The following CEP95 variants were observed in gnomAD, a reference collection of about 807,000 sequenced individuals.
CEP95 encodes centrosomal protein of 95 kDa.
CEP95 carries 98 observed loss-of-function variants against 111.2 expected under a neutral mutation model. The ratio of observed to expected loss-of-function variants is 0.88; its 90% CI spans 0.75 to 1.04. The LOEUF (loss-of-function observed/expected upper bound fraction) is 1.04. Among genes scored for constraint, CEP95 ranks in the 50% least tolerant of loss-of-function variants. The probability of loss-of-function intolerance (pLI) is 0.00; values close to 1 mark genes in which losing one functional copy is unlikely to be tolerated. For missense variants in CEP95, 1,027 were observed against 977.2 expected (o/e 1.05, Z -0.68); for synonymous variants, 323 against 327.1 (o/e 0.99, Z 0.14).
chr17:64,520,206 A>G (rs574820465), intron 6 of CEP95, among the ~76,000 whole-genome samples: 27 of 152,224 alleles, frequency 1.8e-4, no homozygotes, highest in African/African-American at 5.1e-4. Flanking sequence ...GTCAAGTGCT[A>G]TGTAAAAAAG....
rs572700108 is a variant in CEP95, at chr17:64,534,175, T to C, written c.1918-410T>C. 24 of 183,444 alleles carry C rather than the reference T, an allele frequency of 1.3e-4. No homozygotes were observed. The South Asian group carries it at 2.8e-3, about 22-fold the overall frequency. The allele number at this position is 183,444 out of a possible 1,614,324, so 11.4% of individuals were successfully genotyped here. On this transcript the variant is annotated intron_variant, in intron 16 of 19. Coordinates refer to ENST00000556440, the MANE Select transcript of CEP95 (RefSeq NM_138363.3). ...GCTTTATGTACATGACCCCATTTTA[T>C]TTTCACTCCTTTGTCAGATACTGTC...
At chr17:64,516,003 G>T (rs1345753384) in intron 4 of CEP95, 2 of 152,328 alleles carry the variant, frequency 1.3e-5, no homozygotes, top group South Asian at 2.1e-4. Context: ...TGTTGTGAAA[G>T]TTAAGTAAGT....
At chr17:64,531,229 A>T (rs1968257041) in intron 13 of CEP95, 2 of 383,454 alleles carry the variant, frequency 5.2e-6, no homozygotes, top group Non-Finnish European at 9.3e-6. Flanking sequence ...AAAGAAAAGT[A>T]GTGTTTTTCC....
At chr17:64,530,859 C>CT (rs1968227509) in intron 12 of CEP95, 67 bp from the exon 13 acceptor site, 1 of 879,454 alleles carries the variant, frequency 1.1e-6, no homozygotes, top group Non-Finnish European at 1.7e-6. Context: ...CTTTAACCAG[C>CT]TAAGCCATGG....
intron 7 of CEP95, among the ~76,000 whole-genome samples, 200 bp downstream of exon 7, chr17:64,521,727 C>G (rs1055523701): frequency 6.6e-6 from 1 of 151,110 alleles, no homozygotes; most frequent in African/African-American, 2.4e-5. Context: ...TTTGCATCCA[C>G]TATTTTATTA....
chr17:64,535,150 C>T (rs931912172), intron 17 of CEP95: 7 of 207,302 alleles, frequency 3.4e-5, no homozygotes, highest in African/African-American at 1.6e-4. Flanking sequence ...TCATCCTAAT[C>T]AGGCTGTGAA....
chr17:64,533,715 G>A (rs1208254449), intron 16 of CEP95, among the ~76,000 whole-genome samples: 9 of 152,126 alleles, frequency 5.9e-5, no homozygotes, highest in African/African-American at 2.2e-4. Flanking sequence ...TGTTTTCTAT[G>A]AAATGAAAAC....
chr17:64,532,533 G>A (rs1968352351), intron 14 of CEP95: 1 of 985,398 alleles, frequency 1.0e-6, no homozygotes, highest in African/African-American at 1.7e-5. Context: ...CTACCGGGAA[G>A]GTTGAGGAGT....
chr17:64,516,356 A>C (rs2039144324), intron 4 of CEP95, among the ~76,000 whole-genome samples: 1 of 152,188 alleles, frequency 6.6e-6, no homozygotes, highest in Admixed American at 6.5e-5. Flanking sequence ...CTAAGGCATG[A>C]TTATCTTGGA....
At chr17:64,528,675 G>A (rs1326036392) in intron 11 of CEP95, among the ~76,000 whole-genome samples, 4 of 152,146 alleles carry the variant, frequency 2.6e-5, no homozygotes, top group Admixed American at 2.6e-4. Context: ...TTGGTCTTAA[G>A]GCTATGTTGA....
chr17:64,510,147 A>G, intron 2 of CEP95, 26 bp from the exon 3 acceptor site: 1 of 1,411,366 alleles, frequency 7.1e-7, no homozygotes, highest in Non-Finnish European at 9.9e-7. Flanking sequence ...ATGGATACAA[A>G]ATTATGTGAT....
At chr17:64,507,831 C>G in intron 1 of CEP95, 1 of 985,396 alleles carries the variant, frequency 1.0e-6, no homozygotes, top group African/African-American at 1.7e-5. Flanking sequence ...ATTGAAAGTG[C>G]TTTCCTACCA....
In CEP95 at chr17:64,507,024, C is replaced by A; in HGVS notation, c.-74C>A. 1.3e-6 allele frequency: 2 copies of A among 1,531,192 alleles called. No homozygotes were observed. The highest frequency in any genetic ancestry group is 8.9e-7 in the Non-Finnish European group (1 of 1,129,516). 94.9% of individuals were successfully genotyped at this position (1,531,192 alleles called of 1,614,324 possible). On this transcript the variant is annotated 5_prime_UTR_variant, in exon 1 of 20. Transcript: ENST00000556440. ...CGTCCGCGCCCCAGTGTCGGGTCTG[C>A]GTGGATCGGTCCTTCCAGGACACCG...
chr17:64,534,131 TG>T (rs1408429422), intron 16 of CEP95: 1 of 162,442 alleles, frequency 6.2e-6, no homozygotes, highest in Non-Finnish European at 1.3e-5. Flanking sequence ...CACTAGTATC[TG>T]AAACACCTAC....
At chr17:64,516,189 A>G (rs904034488) in intron 4 of CEP95, 1 of 152,242 alleles carries the variant, frequency 6.6e-6, no homozygotes, top group African/African-American at 2.4e-5. Flanking sequence ...GGTAAATCTG[A>G]ATCATGGGAG....
intron 14 of CEP95, chr17:64,532,377 C>T (rs933947473): frequency 1.0e-6 from 1 of 985,410 alleles, no homozygotes. Context: ...CTGTCCACCT[C>T]CTATATATTG....
At chr17:64,530,798 T>C in intron 12 of CEP95, 128 bp from the exon 13 acceptor site, 1 of 544,280 alleles carries the variant, frequency 1.8e-6, no homozygotes, top group South Asian at 2.8e-5. Flanking sequence ...GATGCTCGGT[T>C]GAGGCACCAT....
Position 64,537,459 on chromosome 17 carries a change from T to C in CEP95, c.2290-144T>C, listed in dbSNP as rs1968736164. The C allele has an allele frequency of 6.5e-6, 9 of 1,386,424 alleles. No homozygotes were observed. The East Asian group carries it at 1.6e-4, about 24-fold the overall frequency. The allele number at this position is 1,386,424 out of a possible 1,614,324, so 85.9% of individuals were successfully genotyped here. On this transcript the variant is annotated intron_variant, in intron 19 of 19. Transcript: ENST00000556440. ...CATTTTTATCCTATGATTTTAACTT[T>C]AGTTAGGTCTCTGTAAGAGCTGCTG...
rs1295988426 is a variant in CEP95 at position 64,514,288 on chromosome 17, T to A, written c.297T>A (p.Asn99Lys). 2.1e-5 allele frequency: 32 copies of A among 1,498,000 alleles called. No individual in the cohort carries two copies. The highest frequency in any genetic ancestry group is 2.9e-5 in the Non-Finnish European group (32 of 1,098,970). The allele number at this position is 1,498,000 out of a possible 1,614,324, so 92.8% of individuals were successfully genotyped here. ...AAGGAGATAAAGAATCTATTAAGAA[T>A]CTCCTGGAAATATTTGATGGTTTGT... is the stretch of plus-strand genomic sequence containing the variant. ...IVKGDKESIK[N>K]LLEIFDGLLE... The change falls in exon 4 of 20, where the codon AAT (asparagine) becomes AAA (lysine). Residue 99 changes from asparagine to lysine, a missense_variant. Coordinates refer to ENST00000556440, the MANE Select transcript of CEP95 (RefSeq NM_138363.3).
Sources: gnomAD v4.1 joint callset for allele counts (sites outside exome capture counted in the v4.1 genomes callset) on GRCh38, gnomAD v4.1.1 for gene constraint, MANE v1.5 for transcripts, NCBI Gene and HGNC (gene_info 2026-07-23, HGNC 2026-07-21) for gene names.